MID1: variants seen among roughly 807,000 people sequenced by gnomAD.
MID1 encodes E3 ubiquitin-protein ligase Midline-1.
A neutral mutation model predicts 40.4 loss-of-function variants in MID1; 7 were observed. The ratio of observed to expected loss-of-function variants is 0.17; its 90% CI spans 0.10 to 0.33. The LOEUF is 0.33. Ranked by LOEUF, MID1 falls within the 10% of genes least tolerant of loss-of-function variation. The pLI is 1.00. For missense variants in MID1, 367 were observed against 558.5 expected (o/e 0.66, Z 3.46); for synonymous variants, 229 against 221.2 (o/e 1.04, Z -0.31).
At chrX:10,607,811 G>A (rs1212196886) in intron 1 of MID1, among the ~76,000 whole-genome samples, 1 of 112,310 alleles carries the variant, frequency 8.9e-6, no homozygotes, top group Non-Finnish European at 1.9e-5. Context: ...GTGTCTCAGA[G>A]TATAAATTGA....
chrX:10,493,578 A>G (rs1270580338), intron 4 of MID1, among the ~76,000 whole-genome samples: 1 of 111,984 alleles, frequency 8.9e-6, no homozygotes, highest in Non-Finnish European at 1.9e-5. Context: ...TTTCAAAAAA[A>G]TTATTTATTT....
intron 1 of MID1, among the ~76,000 whole-genome samples, chrX:10,707,499 C>A (rs1433141941): frequency 1.8e-5 from 2 of 111,976 alleles, no homozygotes; most frequent in Non-Finnish European, 3.8e-5. Context: ...TGATCAAAAT[C>A]ACTTTCATTG....
At chrX:10,589,712 C>T (rs1184324539) in intron 1 of MID1, 3 of 110,632 alleles carry the variant, frequency 2.7e-5, no homozygotes, top group African/African-American at 3.3e-5. Flanking sequence ...AATGCCTACC[C>T]GGGAGCGCTC....
At chrX:10,644,476 T>C (rs1201487297) in intron 1 of MID1, among the ~76,000 whole-genome samples, 1 of 110,751 alleles carries the variant, frequency 9.0e-6, no homozygotes, top group Non-Finnish European at 1.9e-5. Flanking sequence ...TTTTTCATTA[T>C]TCATATGTTT....
chrX:10,469,414 A>C lies in MID1; in HGVS notation c.1285+283T>G, dbSNP rs756451016. On this transcript the variant is annotated intron_variant, in intron 7 of 9. Transcript: ENST00000317552. Reference sequence around the variant, plus strand: ...TATATATTTGTTTCTCTCTCTATGTATCTCTCTATATATTTGTTTCTCTCT... The same window carrying C: ...TATATATTTGTTTCTCTCTCTATGTCTCTCTCTATATATTTGTTTCTCTCT... 3.3e-4 allele frequency: 346 copies of C among 1,057,751 alleles called. 2 individuals carry two copies. In the South Asian group the frequency reaches 8.2e-3, roughly 25 times the overall value. 87.2% of individuals were successfully genotyped at this position (1,057,751 alleles called of 1,213,427 possible).
chrX:10,719,652 C>G (rs2043333934), intron 1 of MID1, among the ~76,000 whole-genome samples: 1 of 111,682 alleles, frequency 9.0e-6, no homozygotes, highest in Non-Finnish European at 1.9e-5. Flanking sequence ...AATGCCATCC[C>G]CATCAAGCTA....
At chrX:10,619,938 G>A (rs1202318306) in intron 1 of MID1, among the ~76,000 whole-genome samples, 1 of 111,219 alleles carries the variant, frequency 9.0e-6, no homozygotes, top group Non-Finnish European at 1.9e-5. Context: ...AAAGCATAGG[G>A]TAGAGGCACT....
intron 1 of MID1, among the ~76,000 whole-genome samples, chrX:10,795,870 C>T (rs1015771128): frequency 2.7e-5 from 3 of 111,995 alleles, no homozygotes; most frequent in African/African-American, 9.7e-5. Context: ...AAATGTGTTC[C>T]AACTGCCTCA....
chrX:10,764,013 G>C (rs2043701684), intron 1 of MID1, among the ~76,000 whole-genome samples: 1 of 111,909 alleles, frequency 8.9e-6, no homozygotes, highest in Admixed American at 9.4e-5. Context: ...TGATGGGGTT[G>C]TTTGTTTTTT....
chrX:10,766,261 A>G (rs1456791493), intron 1 of MID1, among the ~76,000 whole-genome samples: 1 of 109,075 alleles, frequency 9.2e-6, no homozygotes, highest in Non-Finnish European at 1.9e-5. Flanking sequence ...AGGGTGTGCT[A>G]CCATCATTTA....
Position 10,516,601 on chromosome X carries a change from TGTGTGTGTGC to T in MID1, c.756+6481_756+6490del, listed in dbSNP as rs1289715387. Among the ~76,000 whole-genome samples, 506 of 71,346 alleles carry T rather than the reference TGTGTGTGTGC, an allele frequency of 7.1e-3. 4 individuals carry two copies. The highest frequency in any genetic ancestry group is 0.033 in the African/African-American group (486 of 14,892). The allele number at this position is 71,346 out of a possible 115,157, so 62.0% of individuals were successfully genotyped here. A position where few individuals can be genotyped will look rare whatever the true frequency, so the allele number is the denominator to read the frequency against. ...GTGTGTGTGTGTGTGTGTGTGTGTGTGTGTGTGTGCGCGCGCGCACGCGTGTGTTTTAAGA... is the reference window on the plus strand; with the variant it reads ...GTGTGTGTGTGTGTGTGTGTGTGTGTGCGCGCGCACGCGTGTGTTTTAAGA... On this transcript the variant is annotated intron_variant, in intron 3 of 9. Coordinates refer to ENST00000317552, the MANE Select transcript of MID1 (RefSeq NM_000381.4).
chrX:10,509,403 C>A (rs769154125), intron 3 of MID1, among the ~76,000 whole-genome samples: 28 of 111,764 alleles, frequency 2.5e-4, no homozygotes, highest in African/African-American at 9.1e-4. Flanking sequence ...GACTATCTAA[C>A]TATTTTTTTC....
chrX:10,654,523 C>T (rs1239849040), intron 1 of MID1, among the ~76,000 whole-genome samples: 1 of 111,694 alleles, frequency 9.0e-6, no homozygotes, highest in African/African-American at 3.3e-5. Flanking sequence ...CAACCTAGAT[C>T]CCTCGCATGC....
chrX:10,579,948 G>A (rs1364924125), intron 1 of MID1, among the ~76,000 whole-genome samples: 1 of 110,227 alleles, frequency 9.1e-6, no homozygotes, highest in Non-Finnish European at 1.9e-5. Context: ...TAAGAACAGC[G>A]TCGGGACTGT....
intron 1 of MID1, among the ~76,000 whole-genome samples, chrX:10,709,478 C>T (rs1221086895): frequency 8.9e-6 from 1 of 111,849 alleles, no homozygotes; most frequent in African/African-American, 3.2e-5. Context: ...GCGGGTTAGG[C>T]GAGTTTTGCC....
At chrX:10,472,962 C>A (rs992085423) in intron 6 of MID1, among the ~76,000 whole-genome samples, 2 of 112,372 alleles carry the variant, frequency 1.8e-5, no homozygotes, top group Admixed American at 9.4e-5. Context: ...TTGCTTGCAA[C>A]TAAACTCATT....
chrX:10,529,577 G>A (rs1989970), intron 2 of MID1, among the ~76,000 whole-genome samples: 10 of 111,568 alleles, frequency 9.0e-5, no homozygotes, highest in African/African-American at 1.3e-4. Context: ...CTTTCCTTTC[G>A]TGGTCAGTAT....
At chrX:10,612,419 G>T (rs972211027) in intron 1 of MID1, among the ~76,000 whole-genome samples, 1 of 111,745 alleles carries the variant, frequency 8.9e-6, no homozygotes, top group African/African-American at 3.3e-5. Context: ...TTCTTCTCTC[G>T]TCTATTTGTT....
At chrX:10,566,511 C>CT (rs1491137165) in intron 2 of MID1, among the ~76,000 whole-genome samples, 238 of 43,883 alleles carry the variant, frequency 5.4e-3, no homozygotes, top group African/African-American at 0.012. Context: ...CTCTCTCTCT[C>CT]CCTCTCTCTC....
Sources: gnomAD v4.1 joint callset for allele counts (sites outside exome capture counted in the v4.1 genomes callset) on GRCh38, gnomAD v4.1.1 for gene constraint, MANE v1.5 for transcripts, NCBI Gene and HGNC (gene_info 2026-07-23, HGNC 2026-07-21) for gene names.